Variants in CDH13 observed in about 807,000 individuals in gnomAD.
CDH13 encodes cadherin 13.
Under a neutral mutation model 63.8 loss-of-function variants are expected in CDH13, and 24 were observed. The ratio of observed to expected loss-of-function variants is 0.38; its 90% CI spans 0.27 to 0.53. CDH13 has a LOEUF of 0.53. Among genes scored for constraint, CDH13 ranks in the 20% least tolerant of loss-of-function variants. The pLI is 0.85. For synonymous variants in CDH13, 503 were observed against 355.3 expected, an observed-to-expected ratio of 1.42 and a Z score of -4.67; for missense variants, 1,049 against 903.1, an observed-to-expected ratio of 1.16 and a Z score of -2.07.
At chr16:83,012,174 A>G (rs964979554) in intron 2 of CDH13, among the ~76,000 whole-genome samples, 1 of 152,204 alleles carries the variant, frequency 6.6e-6, no homozygotes, top group Non-Finnish European at 1.5e-5. Flanking sequence ...AATATGTGTT[A>G]TAGTTTAAAC....
intron 2 of CDH13, among the ~76,000 whole-genome samples, chr16:82,948,741 A>G (rs973914337): frequency 6.6e-6 from 1 of 152,166 alleles, no homozygotes; most frequent in African/African-American, 2.4e-5. Flanking sequence ...TACACCACTC[A>G]AAAGCAGAAC....
chr16:82,824,831 G>A (rs796484468), intron 1 of CDH13: 53 of 152,300 alleles, frequency 3.5e-4, no homozygotes, highest in African/African-American at 1.3e-3. Flanking sequence ...AAAAAAATTT[G>A]TTAGAATAAT....
chr16:82,651,057 T>G (rs966019676), intron 1 of CDH13, among the ~76,000 whole-genome samples: 1 of 152,152 alleles, frequency 6.6e-6, no homozygotes, highest in African/African-American at 2.4e-5. Flanking sequence ...CTGCTTCCTT[T>G]TCTGGGAGGA....
intron 8 of CDH13, among the ~76,000 whole-genome samples, chr16:83,622,507 C>G (rs188747750): frequency 6.6e-6 from 1 of 152,154 alleles, no homozygotes; most frequent in Non-Finnish European, 1.5e-5. Flanking sequence ...TATTCATGTG[C>G]GTATCTACTT....
At chr16:83,632,693 T>C (rs1402080225) in intron 8 of CDH13, among the ~76,000 whole-genome samples, 1 of 126,360 alleles carries the variant, frequency 7.9e-6, no homozygotes, top group Non-Finnish European at 1.7e-5. Flanking sequence ...GAGAGTGTTC[T>C]TGGATCTCAT....
chr16:83,727,322 A>T (rs1910528114), intron 10 of CDH13, among the ~76,000 whole-genome samples: 1 of 152,170 alleles, frequency 6.6e-6, no homozygotes, highest in Admixed American at 6.5e-5. Context: ...CTACGTGGGA[A>T]GGGACGCTGC....
chr16:83,056,177 C>T (rs1467363926), intron 3 of CDH13, among the ~76,000 whole-genome samples: 1 of 152,108 alleles, frequency 6.6e-6, no homozygotes, highest in East Asian at 1.9e-4. Flanking sequence ...ATTATACACA[C>T]ATGTGAAAAT....
At chr16:83,580,343 G>T (rs1269684248) in intron 7 of CDH13, among the ~76,000 whole-genome samples, 1 of 152,000 alleles carries the variant, frequency 6.6e-6, no homozygotes, top group Non-Finnish European at 1.5e-5. Context: ...AATTAAGGAG[G>T]TAGAATTGAT....
chr16:83,315,635 T>G (rs2090089374), intron 5 of CDH13, among the ~76,000 whole-genome samples: 1 of 136,570 alleles, frequency 7.3e-6, no homozygotes, highest in South Asian at 2.3e-4. Context: ...TTACAAACTC[T>G]GGATTTAAAA....
chr16:83,018,275 G>A (rs1270787858), intron 2 of CDH13, among the ~76,000 whole-genome samples: 1 of 152,168 alleles, frequency 6.6e-6, no homozygotes, highest in African/African-American at 2.4e-5. Flanking sequence ...CAATAATTAT[G>A]GGGTCTAAGC....
chr16:83,361,766 A>G (rs985277326), intron 6 of CDH13, among the ~76,000 whole-genome samples: 5 of 151,996 alleles, frequency 3.3e-5, no homozygotes, highest in African/African-American at 4.8e-5. Flanking sequence ...TCAGTTCTTT[A>G]TTCTGTCTCA....
chr16:82,659,923 A>G (rs1013718002), intron 1 of CDH13, among the ~76,000 whole-genome samples: 1 of 152,152 alleles, frequency 6.6e-6, no homozygotes, highest in African/African-American at 2.4e-5. Context: ...GACATTGTCA[A>G]GTGTCTCCTG....
At chr16:83,376,987 G>A (rs1399964573) in intron 6 of CDH13, among the ~76,000 whole-genome samples, 1 of 152,054 alleles carries the variant, frequency 6.6e-6, no homozygotes, top group African/African-American at 2.4e-5. Context: ...GGCCTTGAAG[G>A]ATGACATACT....
chr16:82,953,505 A>T (rs12447939), intron 2 of CDH13: 1 of 152,172 alleles, frequency 6.6e-6, no homozygotes, highest in Non-Finnish European at 1.5e-5. Context: ...CAAAAACATC[A>T]AGATGTTTTG....
At chr16:83,539,946 T>C (rs1297844955) in intron 7 of CDH13, among the ~76,000 whole-genome samples, 1 of 152,250 alleles carries the variant, frequency 6.6e-6, no homozygotes, top group Non-Finnish European at 1.5e-5. Flanking sequence ...TGACATTCCA[T>C]TGGTGGAACT....
intron 5 of CDH13, among the ~76,000 whole-genome samples, chr16:83,320,562 T>C (rs2090200827): frequency 6.6e-6 from 1 of 152,022 alleles, no homozygotes; most frequent in Non-Finnish European, 1.5e-5. Context: ...CCTATGAGAG[T>C]GTTTTCTTGC....
intron 6 of CDH13, among the ~76,000 whole-genome samples, chr16:83,459,940 A>G (rs530748717): frequency 1.3e-5 from 2 of 152,314 alleles, no homozygotes; most frequent in South Asian, 2.1e-4. Context: ...CTTCCATGAG[A>G]TGTGAGGGCT....
At chr16:83,052,731 C>T (rs1428416243) in intron 3 of CDH13, among the ~76,000 whole-genome samples, 5 of 129,018 alleles carry the variant, frequency 3.9e-5, no homozygotes, top group African/African-American at 5.9e-5. Flanking sequence ...GAGCCAAGAT[C>T]GCACCATTGC....
At chr16:83,772,362 T>C (rs545224135) in intron 11 of CDH13, among the ~76,000 whole-genome samples, 1 of 152,282 alleles carries the variant, frequency 6.6e-6, no homozygotes, top group Admixed American at 6.5e-5. Flanking sequence ...TGGAAATATG[T>C]GCTCCACTTG....
Sources: gnomAD v4.1 joint callset for allele counts (sites outside exome capture counted in the v4.1 genomes callset) on GRCh38, gnomAD v4.1.1 for gene constraint, MANE v1.5 for transcripts, NCBI Gene and HGNC (gene_info 2026-07-23, HGNC 2026-07-21) for gene names.